Variants in CDH18 observed in about 807,000 individuals in gnomAD.
CDH18 encodes the protein cadherin 18.
A neutral mutation model predicts 67.9 loss-of-function variants in CDH18; 31 were observed. The ratio of observed to expected loss-of-function variants is 0.46; its 90% CI spans 0.34 to 0.62. CDH18 has a LOEUF of 0.62. Ranked by LOEUF, CDH18 falls within the 20% of genes least tolerant of loss-of-function variation. The pLI is 0.01. For missense variants in CDH18, 890 were observed against 975.5 expected (o/e 0.91, Z 1.17); for synonymous variants, 362 against 347.2 (o/e 1.04, Z -0.48).
At chr5:20,105,582 T>A (rs1383726082) in intron 2 of CDH18, among the ~76,000 whole-genome samples, 1 of 151,704 alleles carries the variant, frequency 6.6e-6, no homozygotes. Context: ...CATCATTCCC[T>A]CCCTATAAAC....
At chr5:20,282,333 T>C (rs1746346362) in intron 1 of CDH18, among the ~76,000 whole-genome samples, 1 of 152,230 alleles carries the variant, frequency 6.6e-6, no homozygotes, top group Non-Finnish European at 1.5e-5. Context: ...CCATTCAGTA[T>C]GATATTGGCT....
chr5:20,021,937 T>C (rs931725425), intron 2 of CDH18, among the ~76,000 whole-genome samples: 8 of 152,198 alleles, frequency 5.3e-5, no homozygotes, highest in Non-Finnish European at 8.8e-5. Context: ...ATTTGCTTAA[T>C]AAAAACAACA....
intron 5 of CDH18, among the ~76,000 whole-genome samples, chr5:19,665,628 T>C (rs1276631888): frequency 2.0e-5 from 3 of 152,006 alleles, no homozygotes; most frequent in African/African-American, 7.2e-5. Flanking sequence ...ATTAAATATG[T>C]ATGTAAGTTA....
chr5:19,796,367 C>G (rs972889966), intron 3 of CDH18, among the ~76,000 whole-genome samples: 2 of 152,030 alleles, frequency 1.3e-5, no homozygotes, highest in African/African-American at 4.8e-5. Flanking sequence ...AAAGGCAATT[C>G]AAATGACAGT....
intron 1 of CDH18, among the ~76,000 whole-genome samples, chr5:20,412,689 C>T (rs894848431): frequency 3.9e-5 from 6 of 152,210 alleles, no homozygotes; most frequent in East Asian, 1.9e-4. Context: ...GACACGAACA[C>T]GTCTCAAAAG....
intron 2 of CDH18, among the ~76,000 whole-genome samples, chr5:20,236,330 AAAG>A (rs1367687503): frequency 6.6e-6 from 1 of 151,772 alleles, no homozygotes; most frequent in Non-Finnish European, 1.5e-5. Flanking sequence ...AGAGAAATAA[AAAG>A]AAGAAATACA....
intron 1 of CDH18, among the ~76,000 whole-genome samples, chr5:20,419,078 T>C (rs1027272305): frequency 6.6e-5 from 10 of 152,070 alleles, no homozygotes; most frequent in African/African-American, 2.4e-4. Flanking sequence ...GTGGGACCCA[T>C]GCGGAGGTAA....
intron 12 of CDH18, among the ~76,000 whole-genome samples, chr5:19,482,941 C>T (rs561014333): frequency 1.1e-4 from 17 of 152,136 alleles, no homozygotes; most frequent in East Asian, 5.8e-4. Flanking sequence ...AGAAGCTAAG[C>T]GGGCTGGGGT....
intron 2 of CDH18, among the ~76,000 whole-genome samples, chr5:20,181,046 A>G (rs1410629874): frequency 6.6e-6 from 1 of 152,122 alleles, no homozygotes; most frequent in African/African-American, 2.4e-5. Context: ...AAGATAAAGG[A>G]AGGAACTTCT....
intron 1 of CDH18, among the ~76,000 whole-genome samples, chr5:20,451,902 G>C (rs887511796): frequency 6.6e-6 from 1 of 152,192 alleles, no homozygotes; most frequent in African/African-American, 2.4e-5. Flanking sequence ...TATAGCCATG[G>C]CATCTATATG....
At chr5:19,975,584 C>T (rs1203734115) in intron 2 of CDH18, among the ~76,000 whole-genome samples, 2 of 152,062 alleles carry the variant, frequency 1.3e-5, no homozygotes, top group Non-Finnish European at 2.9e-5. Flanking sequence ...TATTTTATGT[C>T]TCTCAGGAAA....
rs143069229 is a variant in CDH18, at chr5:19,859,989, G to GGGGTGTGT, written c.-256-20748_-256-20747insACACACCC. Among the ~76,000 whole-genome samples, 494 of 143,240 alleles carry GGGGTGTGT rather than the reference G, an allele frequency of 3.4e-3. 3 individuals carry two copies. Among genetic ancestry groups the GGGGTGTGT allele is most frequent in the African/African-American group, 0.012 (454 of 38,416 alleles). The allele number at this position is 143,240 out of a possible 152,430, so 94.0% of individuals were successfully genotyped here. ...CTTATTAATTTACTTGTTTGCTTTG[G>GGGGTGTGT]GTGTGTGTGTGTGTGTGTGTGTGTG... is the stretch of plus-strand genomic sequence containing the variant. On this transcript the variant is annotated intron_variant, in intron 2 of 12. Coordinates refer to ENST00000382275, the MANE Select transcript of CDH18 (RefSeq NM_004934.5).
intron 1 of CDH18, among the ~76,000 whole-genome samples, chr5:20,256,478 A>G (rs1262931507): frequency 6.6e-6 from 1 of 152,098 alleles, no homozygotes; most frequent in Non-Finnish European, 1.5e-5. Context: ...TCATTCAGCA[A>G]TTATTTATTG....
chr5:20,386,654 T>TA (rs1744334084), intron 1 of CDH18, among the ~76,000 whole-genome samples: 1 of 152,172 alleles, frequency 6.6e-6, no homozygotes, highest in Non-Finnish European at 1.5e-5. Flanking sequence ...CCTTTGTAGA[T>TA]AAAACCTACT....
chr5:19,959,576 G>T (rs1796591076), intron 2 of CDH18, among the ~76,000 whole-genome samples: 2 of 151,998 alleles, frequency 1.3e-5, no homozygotes, highest in South Asian at 4.1e-4. Context: ...TAAATTGTTT[G>T]ATAATTTAGA....
At chr5:19,709,907 G>T (rs1764499768) in intron 5 of CDH18, among the ~76,000 whole-genome samples, 1 of 151,902 alleles carries the variant, frequency 6.6e-6, no homozygotes, top group African/African-American at 2.4e-5. Context: ...GGCCGAGGTG[G>T]GTGGATCACC....
intron 5 of CDH18, among the ~76,000 whole-genome samples, chr5:19,710,331 T>A (rs1290178117): frequency 6.6e-6 from 1 of 152,178 alleles, no homozygotes; most frequent in Non-Finnish European, 1.5e-5. Flanking sequence ...TATTTCTATA[T>A]AAACAAATAT....
chr5:19,868,241 T>A (rs910468246), intron 2 of CDH18, among the ~76,000 whole-genome samples: 1 of 152,120 alleles, frequency 6.6e-6, no homozygotes, highest in Non-Finnish European at 1.5e-5. Flanking sequence ...ACCTGCAAAG[T>A]TTCCTCTATC....
intron 2 of CDH18, among the ~76,000 whole-genome samples, chr5:19,933,593 T>C (rs776175758): frequency 6.6e-6 from 1 of 151,552 alleles, no homozygotes; most frequent in Non-Finnish European, 1.5e-5. Context: ...TATTTTGCCA[T>C]CATAACTCCA....
Sources: gnomAD v4.1 joint callset for allele counts (sites outside exome capture counted in the v4.1 genomes callset) on GRCh38, gnomAD v4.1.1 for gene constraint, MANE v1.5 for transcripts, NCBI Gene and HGNC (gene_info 2026-07-23, HGNC 2026-07-21) for gene names.